NAV3: variants seen among roughly 807,000 people sequenced by gnomAD.
NAV3 encodes pore membrane and/or filament interacting like protein 1.
NAV3 carries 87 observed loss-of-function variants against 244.7 expected under a neutral mutation model. The ratio of observed to expected loss-of-function variants is 0.36; its 90% CI spans 0.30 to 0.42. The LOEUF (loss-of-function observed/expected upper bound fraction) is 0.42, where lower values mean the gene tolerates loss of function less well. NAV3 is among the 20% of genes least tolerant of loss of function. The pLI, the probability that NAV3 is intolerant of heterozygous loss-of-function variation, is 1.00. For synonymous variants in NAV3, 1,126 were observed against 1,042.2 expected (o/e 1.08, Z -1.55); for missense variants, 2,663 against 2,893.3 (o/e 0.92, Z 1.83).
chr12:77,898,278 G>C (rs1479030), intron 1 of NAV3, among the ~76,000 whole-genome samples: 16,800 of 152,072 alleles, frequency 0.11, 1,070 homozygotes, highest in South Asian at 0.2. Context: ...AACATTATAA[G>C]TTTTTATCAC....
rs2139732229 is a variant in NAV3, at chr12:78,180,893, C to G, written c.5540C>G (p.Ala1847Gly). Residue 1847 changes from alanine to glycine, a missense_variant, in exon 30 of 40, where the codon GCT becomes GGT. Around this residue, in one of 6 missense-constraint regions of NAV3, gnomAD observed 543 missense variants for 672.4 expected, o/e 0.81. Coordinates refer to ENST00000397909, the MANE Select transcript of NAV3 (RefSeq NM_001024383.2). ...RMQNEIEILKAENDRLKAETG... is the reference protein window; with the variant it reads ...RMQNEIEILKGENDRLKAETG... ...CAGAATGAAATTGAAATACTGAAAG[C>G]TGAAAATGACCGGTTGAAGGCAGAA... The G allele has an allele frequency of 6.2e-7, 1 of 1,612,264 alleles. No individual in the cohort carries two copies. Among genetic ancestry groups the G allele is most frequent in the South Asian group, 1.1e-5 (1 of 90,936 alleles).
chr12:78,121,704 A>G (rs1200678120), intron 15 of NAV3, among the ~76,000 whole-genome samples: 1 of 151,934 alleles, frequency 6.6e-6, no homozygotes, highest in African/African-American at 2.4e-5. Flanking sequence ...CTTTTGTTCC[A>G]CCCACTTCCC....
chr12:78,162,873 T>TATATGTATA (rs1957607044), intron 23 of NAV3, among the ~76,000 whole-genome samples: 1 of 122,360 alleles, frequency 8.2e-6, no homozygotes, highest in Non-Finnish European at 1.7e-5. Flanking sequence ...AAAAAAAATA[T>TATATGTATA]ATATATATAA....
intron 2 of NAV3, among the ~76,000 whole-genome samples, chr12:77,769,629 TGA>T (rs1201343286): frequency 6.6e-6 from 1 of 152,212 alleles, no homozygotes; most frequent in Non-Finnish European, 1.5e-5. Flanking sequence ...TTAGTAAACT[TGA>T]GTCATTAAAA....
intron 1 of NAV3, among the ~76,000 whole-genome samples, chr12:77,877,234 ATTCCATCTC>A (rs1274960433): frequency 1.3e-5 from 2 of 152,126 alleles, no homozygotes; most frequent in Non-Finnish European, 2.9e-5. Context: ...TATCTTGCTG[ATTCCATCTC>A]TACATTGGTG....
intron 12 of NAV3, among the ~76,000 whole-genome samples, chr12:78,100,168 G>A (rs558326168): frequency 2.6e-5 from 4 of 151,968 alleles, no homozygotes; most frequent in African/African-American, 9.6e-5. Flanking sequence ...AATAAGAATG[G>A]AAAGACTTTA....
chr12:77,928,442 C>T (rs1888448004), intron 1 of NAV3, among the ~76,000 whole-genome samples: 1 of 152,002 alleles, frequency 6.6e-6, no homozygotes, highest in South Asian at 2.1e-4. Flanking sequence ...GTCATCATTG[C>T]AGAGAACCCC....
At chr12:78,164,381 G>A (rs943880620) in intron 23 of NAV3, among the ~76,000 whole-genome samples, 4 of 151,648 alleles carry the variant, frequency 2.6e-5, no homozygotes, top group Non-Finnish European at 5.9e-5. Context: ...CATTTTTTTG[G>A]GTGACTACAA....
intron 2 of NAV3, among the ~76,000 whole-genome samples, chr12:77,779,498 G>C (rs770231315): frequency 5.9e-5 from 9 of 152,144 alleles, no homozygotes; most frequent in Non-Finnish European, 1.0e-4. Flanking sequence ...AATAAAGTAT[G>C]AATGGTTCCC....
chr12:78,166,118 A>T (rs1957771289), intron 23 of NAV3, among the ~76,000 whole-genome samples: 1 of 151,972 alleles, frequency 6.6e-6, no homozygotes. Context: ...TATATTCATC[A>T]ACAACTAAAC....
At chr12:77,707,038 G>A (rs1399698725) in intron 2 of NAV3, among the ~76,000 whole-genome samples, 1 of 151,140 alleles carries the variant, frequency 6.6e-6, no homozygotes, top group Non-Finnish European at 1.5e-5. Flanking sequence ...GACCCAGCTT[G>A]AATTGCTACC....
intron 31 of NAV3, among the ~76,000 whole-genome samples, 193 bp from the exon 32 acceptor site, chr12:78,188,055 T>G (rs2139837646): frequency 6.6e-6 from 1 of 152,064 alleles, no homozygotes; most frequent in South Asian, 2.1e-4. Flanking sequence ...ACTTTATTTG[T>G]TTGGTTGGTT....
At chr12:78,180,808 C>A (rs2139729050) in intron 29 of NAV3, 63 bp from the exon 30 acceptor site, 1 of 1,341,730 alleles carries the variant, frequency 7.5e-7, no homozygotes, top group Non-Finnish European at 1.0e-6. Context: ...TGATAAAAGA[C>A]TTGGTGCTAT....
chr12:77,845,717 G>A (rs922593929), intron 1 of NAV3, among the ~76,000 whole-genome samples: 1 of 144,982 alleles, frequency 6.9e-6, no homozygotes, highest in Non-Finnish European at 1.5e-5. Flanking sequence ...GCAATGTCAC[G>A]ATCTTGGCTC....
intron 2 of NAV3, among the ~76,000 whole-genome samples, chr12:77,688,857 C>T (rs897121714): frequency 7.3e-5 from 11 of 151,720 alleles, no homozygotes; most frequent in Admixed American, 2.6e-4. Context: ...GAACAGTGTG[C>T]CGCATGATTT....
intron 2 of NAV3, among the ~76,000 whole-genome samples, chr12:77,747,444 A>T (rs1308466211): frequency 6.6e-6 from 1 of 152,200 alleles, no homozygotes; most frequent in Admixed American, 6.5e-5. Context: ...GGGACTGTAA[A>T]CTAGTTCAAC....
At chr12:77,771,125 A>G (rs917602264) in intron 2 of NAV3, among the ~76,000 whole-genome samples, 7 of 152,246 alleles carry the variant, frequency 4.6e-5, no homozygotes, top group African/African-American at 1.7e-4. Flanking sequence ...ACACTTCTCA[A>G]AAGAAGACAT....
At position 78,119,708 on chromosome 12, in the gene NAV3, C is replaced by T. The variant is rs2138627712; in HGVS notation, c.3512C>T (p.Ala1171Val). ...SIDSNVSSKS[A>V]GATTSKLREP... ...GATTCCAACGTCAGCAGCAAGTCTG[C>T]TGGGGCCACCACCTCGAAACTGAGA... is the stretch of plus-strand genomic sequence containing the variant. The change falls in exon 15 of 40, where the codon GCT (alanine) becomes GTT (valine). Residue 1171 changes from alanine (A) to valine (V), a missense_variant. Physicochemically the swap from Ala to Val is moderately conservative, Grantham distance 64. Coordinates refer to ENST00000397909, the MANE Select transcript of NAV3 (RefSeq NM_001024383.2). The T allele has an allele frequency of 6.2e-7, 1 of 1,614,206 alleles. No individual in the cohort carries two copies. Among genetic ancestry groups the T allele is most frequent in the Non-Finnish European group, 8.5e-7 (1 of 1,180,038 alleles).
At chr12:77,785,939 T>C (rs1372161733) in intron 2 of NAV3, among the ~76,000 whole-genome samples, 1 of 152,188 alleles carries the variant, frequency 6.6e-6, no homozygotes, top group African/African-American at 2.4e-5. Flanking sequence ...TGAGGAGATG[T>C]TTGTTACATT....
Sources: gnomAD v4.1 joint callset for allele counts (sites outside exome capture counted in the v4.1 genomes callset) on GRCh38, gnomAD v4.1.1 for gene constraint, gnomAD v4.1.1 regional missense constraint, MANE v1.5 for transcripts, NCBI Gene and HGNC (gene_info 2026-07-23, HGNC 2026-07-21) for gene names.